PRKCB: variants seen among roughly 807,000 people sequenced by gnomAD.
PRKCB encodes the protein protein kinase C beta type.
PRKCB carries 13 observed loss-of-function variants against 81.5 expected under a neutral mutation model. That is an observed-to-expected ratio of 0.16 (90% CI 0.10 to 0.25). PRKCB has a LOEUF of 0.25. Ranked by LOEUF, PRKCB falls within the 10% of genes least tolerant of loss-of-function variation. The probability of loss-of-function intolerance (pLI) is 1.00; values close to 1 mark genes in which losing one functional copy is unlikely to be tolerated. For synonymous variants in PRKCB, 335 were observed against 321.4 expected (o/e 1.04, Z -0.45); for missense variants, 509 against 875.7 (o/e 0.58, Z 5.29).
At chr16:23,975,331 A>G (rs553236512) in intron 2 of PRKCB, among the ~76,000 whole-genome samples, 1 of 152,188 alleles carries the variant, frequency 6.6e-6, no homozygotes, top group East Asian at 1.9e-4. Flanking sequence ...AGGAGGCACA[A>G]TTTGGTGGCT....
chr16:24,091,642 A>C (rs1966378778), intron 5 of PRKCB, among the ~76,000 whole-genome samples: 1 of 149,836 alleles, frequency 6.7e-6, no homozygotes, highest in African/African-American at 2.5e-5. Context: ...ACGGAGTCTC[A>C]CTCTGTCGCC....
chr16:23,841,236 C>T lies in PRKCB; in HGVS notation c.205+3830C>T, dbSNP rs183543943. ...CTGGGATTACGGGGGCCTGCCACCA[C>T]GCCTGGCTAATTTTTGTATTTTTAG... On this transcript the variant is annotated intron_variant, in intron 2 of 16. Transcript: ENST00000643927. 3.7e-3 allele frequency among the ~76,000 whole-genome samples: 563 copies of T among 152,088 alleles called. 2 individuals carry two copies. Among genetic ancestry groups the T allele is most frequent in the Admixed American group, 5.8e-3 (89 of 15,272 alleles).
chr16:23,927,173 A>G (rs1567316203), intron 2 of PRKCB, among the ~76,000 whole-genome samples: 1 of 108,302 alleles, frequency 9.2e-6, no homozygotes, highest in Non-Finnish European at 2.2e-5. Flanking sequence ...GGCATCAGGA[A>G]GGCTTCCAGG....
intron 7 of PRKCB, among the ~76,000 whole-genome samples, chr16:24,103,215 G>A (rs367977): frequency 0.64 from 97,951 of 152,142 alleles, 31,850 homozygotes; most frequent in African/African-American, 0.73. Context: ...TGTTTCCTCT[G>A]AGTTTTGATA....
intron 2 of PRKCB, among the ~76,000 whole-genome samples, chr16:23,855,350 T>G (rs1269147693): frequency 1.3e-5 from 2 of 152,164 alleles, no homozygotes; most frequent in Admixed American, 1.3e-4. Context: ...AATCTTCAGT[T>G]TCTTTGTCTG....
chr16:24,137,972 C>T (rs534709601), intron 9 of PRKCB, among the ~76,000 whole-genome samples: 1 of 152,198 alleles, frequency 6.6e-6, no homozygotes, highest in Non-Finnish European at 1.5e-5. Context: ...GCACTGGGAA[C>T]TCATCTGAGT....
chr16:24,220,506 T>C lies in PRKCB; in HGVS notation c.*5690T>C, dbSNP rs1217287854. 2 of 158,776 alleles carry C rather than the reference T, an allele frequency of 1.3e-5. No homozygotes were observed. The highest frequency in any genetic ancestry group is 2.8e-5 in the Non-Finnish European group (2 of 72,198). 9.8% of individuals were successfully genotyped at this position (158,776 alleles called of 1,614,324 possible). ...CTTTGAATGCTAAGCATGAGCGATA[T>C]TTTTAAAAATTGTGAGTAAGCTTTG... On this transcript the variant is annotated 3_prime_UTR_variant, in exon 17 of 17. Coordinates refer to ENST00000643927, the MANE Select transcript of PRKCB (RefSeq NM_002738.7).
At chr16:24,125,261 C>T (rs1052992739) in intron 9 of PRKCB, among the ~76,000 whole-genome samples, 1 of 152,214 alleles carries the variant, frequency 6.6e-6, no homozygotes, top group Non-Finnish European at 1.5e-5. Context: ...GACTTTCCAT[C>T]CAATTAGAAG....
At position 24,158,614 on chromosome 16, in the gene PRKCB, GTGTGTA is replaced by G. The variant is rs1345163121; in HGVS notation, c.1239+3769_1239+3774del. 9.3e-4 allele frequency among the ~76,000 whole-genome samples: 140 copies of G among 150,718 alleles called. 2 individuals are homozygous for G. Among genetic ancestry groups the G allele is most frequent in the Non-Finnish European group, 2.1e-4 (14 of 67,982 alleles). On this transcript the variant is annotated intron_variant, in intron 10 of 16. Coordinates refer to ENST00000643927, the MANE Select transcript of PRKCB (RefSeq NM_002738.7). ...TGTATATGTGTGTGTATGTGTGTGT[GTGTGTA>G]TGTGTATGTGTGTGTATGTGTATGT...
rs749669754 is a variant in PRKCB at position 23,836,213 on chromosome 16, G to A, written c.38G>A (p.Gly13Asp). 6.3e-7 allele frequency: 1 copy of A among 1,581,856 alleles called. No homozygotes were observed. Among genetic ancestry groups the A allele is most frequent in the Non-Finnish European group, 8.6e-7 (1 of 1,165,844 alleles). ...GCTGCGGGGCCGCCGCCGAGCGAGG[G>A]CGAGGAGAGCACCGTGCGCTTCGCC... ...DPAAGPPPSE[G>D]EESTVRFARK... is the part of the protein sequence containing the mutation. The change falls in exon 1 of 17, where the codon GGC becomes GAC. Residue 13 changes from glycine (G) to aspartate (D), a missense_variant. Gly to Asp is a moderately conservative substitution (Grantham distance 94, BLOSUM62 -1). This residue lies in a region of PRKCB where 33 missense variants were observed against 21.9 expected (regional missense o/e 1.50). Coordinates refer to ENST00000643927, the MANE Select transcript of PRKCB (RefSeq NM_002738.7).
intron 10 of PRKCB, among the ~76,000 whole-genome samples, chr16:24,165,586 G>A (rs1462704430): frequency 1.3e-5 from 2 of 152,178 alleles, no homozygotes; most frequent in African/African-American, 4.8e-5. Flanking sequence ...TGTGGAGTGG[G>A]AGATGAACCT....
chr16:23,956,522 A>G (rs1432318798), intron 2 of PRKCB, among the ~76,000 whole-genome samples: 1 of 152,078 alleles, frequency 6.6e-6, no homozygotes, highest in Non-Finnish European at 1.5e-5. Context: ...AACAGTGAAC[A>G]CTCTTGGGCA....
chr16:24,041,985 G>C (rs1429017239), intron 5 of PRKCB, among the ~76,000 whole-genome samples: 1 of 104,458 alleles, frequency 9.6e-6, no homozygotes, highest in Non-Finnish European at 2.0e-5. Flanking sequence ...CTCCATCTTG[G>C]AAAAAAAAAA....
chr16:23,850,701 T>C (rs893893099), intron 2 of PRKCB, among the ~76,000 whole-genome samples: 5 of 152,188 alleles, frequency 3.3e-5, no homozygotes, highest in Non-Finnish European at 4.4e-5. Flanking sequence ...AAACTTTTAG[T>C]ACTGTTTTTC....
chr16:23,837,278 T>A lies in PRKCB; in HGVS notation c.174-97T>A, dbSNP rs1050657034. 7 of 1,483,288 alleles carry A rather than the reference T, an allele frequency of 4.7e-6. No individual in the cohort carries two copies. In the African/African-American group the frequency reaches 6.9e-5, roughly 15 times the overall value. 91.9% of individuals were successfully genotyped at this position (1,483,288 alleles called of 1,614,324 possible). On this transcript the variant is annotated intron_variant, in intron 1 of 16. Coordinates refer to ENST00000643927, the MANE Select transcript of PRKCB (RefSeq NM_002738.7). Reference sequence around the variant, plus strand: ...TGTGGCTGGGAGTTTGCACCTGGGGTACAGAGGCAGGGAGGAAGGCGGGTG... The same window carrying A: ...TGTGGCTGGGAGTTTGCACCTGGGGAACAGAGGCAGGGAGGAAGGCGGGTG...
intron 2 of PRKCB, among the ~76,000 whole-genome samples, chr16:23,973,597 T>C (rs1964586156): frequency 6.6e-6 from 1 of 152,142 alleles, no homozygotes; most frequent in Non-Finnish European, 1.5e-5. Flanking sequence ...AGACATTAAG[T>C]CAAATGGGAA....
At chr16:24,079,611 A>G (rs964120401) in intron 5 of PRKCB, among the ~76,000 whole-genome samples, 1 of 152,256 alleles carries the variant, frequency 6.6e-6, no homozygotes, top group African/African-American at 2.4e-5. Context: ...ACAAACCAGA[A>G]AAATGGTATC....
At chr16:24,185,010 T>C in intron 13 of PRKCB, 101 bp from the exon 14 acceptor site, 1 of 969,030 alleles carries the variant, frequency 1.0e-6, no homozygotes. Context: ...AAAGAAACAG[T>C]TCAGGTGGGC....
chr16:23,900,820 C>T (rs1963460358), intron 2 of PRKCB, among the ~76,000 whole-genome samples: 1 of 131,196 alleles, frequency 7.6e-6, no homozygotes, highest in South Asian at 2.5e-4. Flanking sequence ...ACAAACAGTG[C>T]TGGAGTGGAT....
Sources: gnomAD v4.1 joint callset for allele counts (sites outside exome capture counted in the v4.1 genomes callset) on GRCh38, gnomAD v4.1.1 for gene constraint, gnomAD v4.1.1 regional missense constraint, MANE v1.5 for transcripts, NCBI Gene and HGNC (gene_info 2026-07-23, HGNC 2026-07-21) for gene names.